The following CLCN1 variants were observed in gnomAD, a reference collection of about 807,000 sequenced individuals.
CLCN1 encodes the protein chloride channel protein 1.
A neutral mutation model predicts 114.5 loss-of-function variants in CLCN1; 100 were observed. The observed-to-expected ratio is 0.87, with a 90% CI of 0.74 to 1.03. CLCN1 has a LOEUF of 1.03. Ranked by LOEUF, CLCN1 falls within the 50% of genes least tolerant of loss-of-function variation. The probability of loss-of-function intolerance (pLI) is 0.00; values close to 1 mark genes in which losing one functional copy is unlikely to be tolerated. For missense variants in CLCN1, 1,188 were observed against 1,250.0 expected, an observed-to-expected ratio of 0.95 and a Z score of 0.75; for synonymous variants, 485 against 487.1, an observed-to-expected ratio of 1.00 and a Z score of 0.06.
At chr7:143,351,495 T>C in intron 22 of CLCN1, 99 bp from the exon 23 acceptor site, 1 of 1,335,802 alleles carries the variant, frequency 7.5e-7, no homozygotes, top group Non-Finnish European at 1.0e-6. Flanking sequence ...TGTTCTTTTT[T>C]CCTTTCATTG....
intron 16 of CLCN1, among the ~76,000 whole-genome samples, chr7:143,344,181 G>A (rs1314239504): frequency 6.6e-6 from 1 of 152,062 alleles, no homozygotes; most frequent in East Asian, 1.9e-4. Flanking sequence ...GTTAGTAAAC[G>A]ATAATTTCAC....
chr7:143,342,149 G>T lies in CLCN1; in HGVS notation c.1796+7G>T. 1 of 1,612,732 alleles carries T rather than the reference G, an allele frequency of 6.2e-7. No individual in the cohort carries two copies. ...TTGGCTGGAACCAGCTCAGGTCAGG[G>T]GCACTAGACGGAATTAGTTCAGATC... On this transcript the variant is annotated splice_region_variant and intron_variant, in intron 15 of 22. Coordinates refer to ENST00000343257, the MANE Select transcript of CLCN1 (RefSeq NM_000083.3).
At chr7:143,342,230 G>A in intron 15 of CLCN1, 88 bp downstream of exon 15, 1 of 1,505,346 alleles carries the variant, frequency 6.6e-7, no homozygotes, top group Non-Finnish European at 9.2e-7. Flanking sequence ...TTAAAGTTTG[G>A]AAACACTGTT....
intron 16 of CLCN1, among the ~76,000 whole-genome samples, chr7:143,343,746 C>G (rs1177546393): frequency 6.6e-6 from 1 of 150,788 alleles, no homozygotes; most frequent in Non-Finnish European, 1.5e-5. Context: ...TTCTTTCTTT[C>G]TCTTTCTCTC....
At chr7:143,332,294 G>T in intron 10 of CLCN1, 125 bp from the exon 11 acceptor site, 1 of 834,182 alleles carries the variant, frequency 1.2e-6, no homozygotes, top group East Asian at 2.4e-5. Context: ...TGTGTGAAGA[G>T]AATCTTTTTC....
intron 12 of CLCN1, among the ~76,000 whole-genome samples, chr7:143,334,423 A>T (rs529651795): frequency 5.3e-5 from 8 of 152,254 alleles, no homozygotes; most frequent in African/African-American, 1.9e-4. Context: ...TTTTCCCAGG[A>T]TATGAGTCAC....
chr7:143,320,191 T>A (rs538513611), intron 2 of CLCN1, among the ~76,000 whole-genome samples: 1 of 152,112 alleles, frequency 6.6e-6, no homozygotes, highest in Non-Finnish European at 1.5e-5. Context: ...CTGAGGCTGG[T>A]CTTGAACTCC....
At chr7:143,319,192 G>A (rs1167636257) in intron 1 of CLCN1, among the ~76,000 whole-genome samples, 1 of 152,188 alleles carries the variant, frequency 6.6e-6, no homozygotes, top group African/African-American at 2.4e-5. Context: ...GCTAGTTCTT[G>A]TGTGTGCATA....
chr7:143,328,965 TCTTTC>T (rs770870563), intron 7 of CLCN1, among the ~76,000 whole-genome samples: 143 of 88,864 alleles, frequency 1.6e-3, no homozygotes, highest in African/African-American at 5.2e-3. Flanking sequence ...GAATTTTCTT[TCTTTC>T]TTTTTTTTTT....
In CLCN1 at chr7:143,350,490, T is replaced by C. The variant is rs1803363873; in HGVS notation, c.2508+14T>C. On this transcript the variant is annotated intron_variant, in intron 21 of 22. Transcript: ENST00000343257. The surrounding 1 kb of genome is among the most constrained non-coding windows in gnomAD (Gnocchi z 5.1). ...ACCCTGCACAAGGTGAGTCTTTTGC[T>C]GACTGCTCAGGGCTGTGGGGAAGGC... 6.2e-7 allele frequency: 1 copy of C among 1,611,176 alleles called. No individual in the cohort carries two copies. Among genetic ancestry groups the C allele is most frequent in the Non-Finnish European group, 8.5e-7 (1 of 1,177,428 alleles).
intron 12 of CLCN1, 53 bp downstream of exon 12, chr7:143,332,926 T>C: frequency 6.3e-7 from 1 of 1,596,068 alleles, no homozygotes; most frequent in Admixed American, 1.7e-5. Flanking sequence ...TTTCAATCTA[T>C]GAACCCAGGG....
intron 16 of CLCN1, among the ~76,000 whole-genome samples, chr7:143,343,617 C>T (rs1185247586): frequency 6.6e-6 from 1 of 152,176 alleles, no homozygotes; most frequent in Non-Finnish European, 1.5e-5. Context: ...TAGCTTCTTA[C>T]GTTGTTCCAT....
At chr7:143,335,465 A>G (rs746413300) in intron 12 of CLCN1, among the ~76,000 whole-genome samples, 12 of 152,138 alleles carry the variant, frequency 7.9e-5, no homozygotes, top group Non-Finnish European at 1.8e-4. Context: ...GGTTATCACC[A>G]CTTCCCAGCA....
chr7:143,349,683 T>C (rs563457463), intron 20 of CLCN1, among the ~76,000 whole-genome samples: 6 of 152,206 alleles, frequency 3.9e-5, no homozygotes, highest in Non-Finnish European at 8.8e-5. Context: ...CCAGTATAGC[T>C]CTTCAATTTC....
In CLCN1 at chr7:143,316,140, C is replaced by T. The variant is rs1196228934; in HGVS notation, c.-73C>T. The T allele has an allele frequency of 7.9e-7, 1 of 1,263,100 alleles. No homozygotes were observed. The highest frequency in any genetic ancestry group is 2.3e-5 in the East Asian group (1 of 43,178). 78.2% of individuals were successfully genotyped at this position (1,263,100 alleles called of 1,614,324 possible). ...GCCTTGGGGACAGCAAGAGCAGAGG[C>T]TTAAGGAGCTACACTGGGGGAAGGA... On this transcript the variant is annotated 5_prime_UTR_variant, in exon 1 of 23. Coordinates refer to ENST00000343257, the MANE Select transcript of CLCN1 (RefSeq NM_000083.3).
chr7:143,320,153 T>C (rs1224919212), intron 2 of CLCN1, among the ~76,000 whole-genome samples: 1 of 152,134 alleles, frequency 6.6e-6, no homozygotes, highest in East Asian at 1.9e-4. Context: ...CATGCCCAGC[T>C]AATTTTAAAA....
At chr7:143,319,399 C>T (rs1019804163) in intron 1 of CLCN1, among the ~76,000 whole-genome samples, 13 of 152,194 alleles carry the variant, frequency 8.5e-5, no homozygotes, top group African/African-American at 3.1e-4. Flanking sequence ...ACAGAAAGCG[C>T]AGTGACACAA....
rs1038894499 is a variant in CLCN1 at position 143,346,933 on chromosome 7, A to G, written c.2387A>G (p.Asn796Ser). The G allele has an allele frequency of 2.5e-6, 4 of 1,613,880 alleles. No individual in the cohort carries two copies. The highest frequency in any genetic ancestry group is 3.4e-6 in the Non-Finnish European group (4 of 1,179,744). ...TTQDSTDLVDNMSPEEIEAWE... is the reference protein window; with the variant it reads ...TTQDSTDLVDSMSPEEIEAWE... ...TAGGATTCCACAGATTTAGTGGATA[A>G]CATGTCACCTGAAGAGGTGAGTAAG... is the stretch of plus-strand genomic sequence containing the variant. The change falls in exon 20 of 23, where the codon AAC becomes AGC. Residue 796 changes from asparagine (N) to serine (S), a missense_variant. Transcript: ENST00000343257.
At position 143,350,922 on chromosome 7, in the gene CLCN1, C is replaced by T. The variant is rs889649268; in HGVS notation, c.2595+268C>T. Among the ~76,000 whole-genome samples the T allele has an allele frequency of 2.6e-5, 4 of 152,010 alleles. No individual in the cohort carries two copies. The highest frequency in any genetic ancestry group is 2.0e-4 in the Admixed American group (3 of 15,252). On this transcript the variant is annotated intron_variant, in intron 22 of 22. Transcript: ENST00000343257. This position sits in a 1 kb window ranked among gnomAD's most constrained non-coding sequence, Gnocchi z 5.1. ...CCTCCCAAGTAGCTGGGATTACAGG[C>T]GCCCGCTACCACACCCGCTAATTTT...
Sources: gnomAD v4.1 joint callset for allele counts (sites outside exome capture counted in the v4.1 genomes callset) on GRCh38, gnomAD v4.1.1 for gene constraint, Gnocchi (gnomAD v3.1) non-coding constraint, MANE v1.5 for transcripts, NCBI Gene and HGNC (gene_info 2026-07-23, HGNC 2026-07-21) for gene names.